The following DNAAF9 variants were observed in gnomAD, a reference collection of about 807,000 sequenced individuals.
DNAAF9 encodes the protein shulin.
DNAAF9 carries 90 observed loss-of-function variants against 167.0 expected under a neutral mutation model. The observed-to-expected ratio is 0.54, with a 90% confidence interval of 0.45 to 0.64. DNAAF9 has a LOEUF of 0.64. Ranked by LOEUF, DNAAF9 falls within the 30% of genes least tolerant of loss-of-function variation. The probability of loss-of-function intolerance (pLI) is 0.00; values close to 1 mark genes in which losing one functional copy is unlikely to be tolerated. For missense variants in DNAAF9, 1,315 were observed against 1,442.2 expected, an observed-to-expected ratio of 0.91 and a Z score of 1.43; for synonymous variants, 491 against 508.8, an observed-to-expected ratio of 0.96 and a Z score of 0.47.
chr20:3,318,484 C>T, intron 16 of DNAAF9, 84 bp from the exon 17 acceptor site: 1 of 710,388 alleles, frequency 1.4e-6, no homozygotes, highest in South Asian at 1.6e-5. Flanking sequence ...ACAAATACTG[C>T]CTAAAGGAAC....
At chr20:3,317,889 G>C (rs141965742) in intron 17 of DNAAF9, among the ~76,000 whole-genome samples, 5 of 152,112 alleles carry the variant, frequency 3.3e-5, no homozygotes, top group Non-Finnish European at 7.4e-5. Flanking sequence ...GAACCACCAC[G>C]CCCAGCCTTC....
intron 5 of DNAAF9, among the ~76,000 whole-genome samples, 168 bp downstream of exon 5, chr20:3,374,862 T>C (rs980703456): frequency 2.0e-5 from 3 of 152,304 alleles, no homozygotes; most frequent in African/African-American, 7.2e-5. Flanking sequence ...CAGTAATTAA[T>C]ACAAGCTTGC....
chr20:3,290,162 GCA>G lies in DNAAF9; in HGVS notation c.2292_2293del (p.Ala765PhefsTer7). ...TTCCTTATGCAGAGTGACCAGAAAA[GCA>G]CAGAGCTCGCTAGCGTGACAGCCTG... On this transcript the variant is annotated frameshift_variant, in exon 26 of 37. Coordinates refer to ENST00000252032, the MANE Select transcript of DNAAF9 (RefSeq NM_001009984.3). LOFTEE classifies it high-confidence loss of function. 7.4e-6 allele frequency: 12 copies of G among 1,612,768 alleles called. No individual in the cohort carries two copies. The highest frequency in any genetic ancestry group is 9.3e-6 in the Non-Finnish European group (11 of 1,178,720).
At position 3,287,698 on chromosome 20, in the gene DNAAF9, T is replaced by G. The variant is rs1434836287; in HGVS notation, c.2420A>C (p.Gln807Pro). Residue 807 changes from glutamine (Q) to proline (P), a missense_variant, in exon 27 of 37, where the codon CAG becomes CCG. Around this residue, in one of 2 missense-constraint regions of DNAAF9, gnomAD observed 981 missense variants for 1,012.5 expected, o/e 0.97. Coordinates refer to ENST00000252032, the MANE Select transcript of DNAAF9 (RefSeq NM_001009984.3). ...GGCTGACTGGCGCGCAGAGCGGTTC[T>G]GCTGGGCCTCTAGGGCACTGGAAAG... ...RYLSSALEAQ[Q>P]NRSARQSAYI... 6 of 1,614,132 alleles carry G rather than the reference T, an allele frequency of 3.7e-6. No homozygotes were observed. Among genetic ancestry groups the G allele is most frequent in the Non-Finnish European group, 5.1e-6 (6 of 1,180,036 alleles).
Position 3,315,918 on chromosome 20 carries a change from T to C in DNAAF9, c.1540-133A>G, listed in dbSNP as rs547698102. 2.6e-6 allele frequency: 2 copies of C among 757,230 alleles called. No individual in the cohort carries two copies. Among genetic ancestry groups the C allele is most frequent in the South Asian group, 3.0e-5 (2 of 66,222 alleles). The allele number at this position is 757,230 out of a possible 1,614,324, so 46.9% of individuals were successfully genotyped here. A position where few individuals can be genotyped will look rare whatever the true frequency, so the allele number is the denominator to read the frequency against. Reference sequence around the variant, plus strand: ...TCCACCATGTCCATGTCCAGTGCTCTCAGGCCCTGACACACCTGAGATGTC... The same window carrying C: ...TCCACCATGTCCATGTCCAGTGCTCCCAGGCCCTGACACACCTGAGATGTC... On this transcript the variant is annotated intron_variant, in intron 18 of 36. Transcript: ENST00000252032. The surrounding 1 kb of genome is among the most constrained non-coding windows in gnomAD (Gnocchi z 4.1).
intron 27 of DNAAF9, among the ~76,000 whole-genome samples, chr20:3,282,324 T>C (rs547371534): frequency 6.6e-6 from 1 of 151,644 alleles, no homozygotes; most frequent in East Asian, 1.9e-4. Context: ...CTCAAATATA[T>C]TTTTTTTGGT....
At chr20:3,291,554 A>G (rs2122914983) in intron 25 of DNAAF9, among the ~76,000 whole-genome samples, 1 of 152,084 alleles carries the variant, frequency 6.6e-6, no homozygotes, top group Admixed American at 6.5e-5. Flanking sequence ...CATGTTGGCC[A>G]GGATGGTCTC....
intron 17 of DNAAF9, 40 bp from the exon 18 acceptor site, chr20:3,316,833 A>C: frequency 2.0e-6 from 3 of 1,495,950 alleles, no homozygotes; most frequent in Non-Finnish European, 2.8e-6. Flanking sequence ...ATTCCCTACC[A>C]GCTCAGCCTG....
At chr20:3,342,822 T>C (rs1389341181) in intron 9 of DNAAF9, among the ~76,000 whole-genome samples, 1 of 152,184 alleles carries the variant, frequency 6.6e-6, no homozygotes, top group Non-Finnish European at 1.5e-5. Flanking sequence ...TATCTCCTGC[T>C]GATCATGACA....
chr20:3,268,039 T>A (rs577474133), intron 30 of DNAAF9, among the ~76,000 whole-genome samples: 6 of 151,170 alleles, frequency 4.0e-5, no homozygotes, highest in South Asian at 2.1e-4. Flanking sequence ...TTTTTTTTTT[T>A]AATTTTGAGA....
At chr20:3,350,156 G>GACACACACACAC (rs35251429) in intron 7 of DNAAF9, among the ~76,000 whole-genome samples, 68 of 89,948 alleles carry the variant, frequency 7.6e-4, no homozygotes, top group Middle Eastern at 5.7e-3. Context: ...CAGACACACA[G>GACACACACACAC]ACACACACAC....
At chr20:3,259,702 C>G in intron 32 of DNAAF9, 148 bp from the exon 33 acceptor site, 1 of 718,822 alleles carries the variant, frequency 1.4e-6, no homozygotes, top group Non-Finnish European at 2.5e-6. Flanking sequence ...CTGTTGCTCC[C>G]CTGTGGCTCT....
intron 9 of DNAAF9, 110 bp downstream of exon 9, chr20:3,343,566 A>G: frequency 1.3e-6 from 1 of 744,570 alleles, no homozygotes; most frequent in South Asian, 1.7e-5. Context: ...GTCAACCCAT[A>G]TTTTCCTGAC....
intron 28 of DNAAF9, among the ~76,000 whole-genome samples, chr20:3,280,093 C>G (rs1484925372): frequency 6.6e-6 from 1 of 152,114 alleles, no homozygotes; most frequent in East Asian, 1.9e-4. Context: ...TTACCTGACT[C>G]CCTCATAGTT....
chr20:3,277,748 A>G (rs1436767407), intron 29 of DNAAF9, among the ~76,000 whole-genome samples: 1 of 152,148 alleles, frequency 6.6e-6, no homozygotes, highest in East Asian at 1.9e-4. Flanking sequence ...TCTGAGGTGC[A>G]GTGCCTAGAA....
chr20:3,304,604 T>A, intron 20 of DNAAF9, 61 bp from the exon 21 acceptor site: 2 of 775,514 alleles, frequency 2.6e-6, no homozygotes, highest in Non-Finnish European at 2.3e-6. Flanking sequence ...CAGATTCCAA[T>A]GTCCTCTTGT....
chr20:3,357,487 T>C (rs2083302840), intron 7 of DNAAF9, among the ~76,000 whole-genome samples: 1 of 151,694 alleles, frequency 6.6e-6, no homozygotes, highest in Non-Finnish European at 1.5e-5. Context: ...AATAAATAAA[T>C]AAATAAATAT....
intron 21 of DNAAF9, among the ~76,000 whole-genome samples, chr20:3,301,552 A>G (rs2069190141): frequency 6.6e-6 from 1 of 152,200 alleles, no homozygotes; most frequent in South Asian, 2.1e-4. Context: ...CACTATCAGT[A>G]AACATTTCCA....
intron 29 of DNAAF9, among the ~76,000 whole-genome samples, chr20:3,277,172 C>A (rs983450034): frequency 6.6e-6 from 1 of 152,218 alleles, no homozygotes; most frequent in Non-Finnish European, 1.5e-5. Context: ...CCACTTGGAG[C>A]TGGCTTCAGC....
Sources: allele counts gnomAD v4.1 joint callset (sites outside exome capture counted in the v4.1 genomes callset), GRCh38; gene constraint gnomAD v4.1.1; regional missense constraint gnomAD v4.1.1; non-coding constraint Gnocchi (gnomAD v3.1); transcripts MANE v1.5; gene names NCBI Gene and HGNC (gene_info 2026-07-23, HGNC 2026-07-21).